WNT8A: variants seen among roughly 807,000 people sequenced by gnomAD.
The protein encoded by WNT8A is protein Wnt-8a.
Under a neutral mutation model 20.5 loss-of-function variants are expected in WNT8A, and 14 were observed. That is an observed-to-expected ratio of 0.68 (90% CI 0.45 to 1.07). The LOEUF (loss-of-function observed/expected upper bound fraction) is 1.07. Ranked by LOEUF, WNT8A falls within the 50% of genes least tolerant of loss-of-function variation. The probability of loss-of-function intolerance (pLI) is 0.00; values close to 1 mark genes in which losing one functional copy is unlikely to be tolerated. For missense variants in WNT8A, 397 were observed against 462.9 expected (o/e 0.86, Z 1.31); for synonymous variants, 167 against 169.2 (o/e 0.99, Z 0.10).
upstream of WNT8A, among the ~76,000 whole-genome samples, chr5:138,082,812 G>T (rs1750541446): frequency 6.6e-6 from 1 of 151,840 alleles, no homozygotes; most frequent in African/African-American, 2.4e-5. Context: ...AGGAAGTGGA[G>T]GTTGCAGTGA....
rs1326667655 is a variant in WNT8A at position 138,085,813 on chromosome 5, C to G, written c.295+1177C>G. ...AGGATATAGTGAGCTATGATCACAC[C>G]ACTACACTCCTGCCTGGGTGACAGA... On this transcript the variant is annotated intron_variant, in intron 2 of 4. Transcript: ENST00000506684. Among the ~76,000 whole-genome samples, 12 of 138,498 alleles carry G rather than the reference C, an allele frequency of 8.7e-5. No individual in the cohort carries two copies. In the South Asian group the frequency reaches 2.5e-3, roughly 29 times the overall value. 90.9% of individuals were successfully genotyped at this position (138,498 alleles called of 152,430 possible).
chr5:138,088,927 G>C lies in WNT8A; in HGVS notation c.422G>C (p.Gly141Ala), dbSNP rs1177093331. The change falls in exon 4 of 5, where the codon GGA (glycine) becomes GCA (alanine). Residue 141 changes from glycine to alanine, a missense_variant and splice_region_variant. By Grantham distance (60) the Gly-to-Ala change is moderately conservative. Transcript: ENST00000506684. The part of the protein sequence containing the change: ...GCDGSNNGKT[G>A]GHGWIWGGCS... ...GAACTTATTCTGTCCTTGTATATAG[G>C]AGGCCATGGCTGGATCTGGGGAGGC... The C allele has an allele frequency of 6.2e-7, 1 of 1,613,780 alleles. No individual in the cohort carries two copies. Among genetic ancestry groups the C allele is most frequent in the Non-Finnish European group, 8.5e-7 (1 of 1,179,908 alleles).
At chr5:138,090,498 G>C in intron 4 of WNT8A, 30 bp from the exon 5 acceptor site, 2 of 1,600,298 alleles carry the variant, frequency 1.2e-6, no homozygotes, top group Non-Finnish European at 1.7e-6. Flanking sequence ...CCTACTCAGA[G>C]CCATTCTCTT....
chr5:138,084,759 GA>G lies in WNT8A; in HGVS notation c.295+124del, dbSNP rs1750606911. 1.0e-5 allele frequency: 13 copies of G among 1,281,874 alleles called. No individual in the cohort carries two copies. In the East Asian group the frequency reaches 3.4e-4, roughly 34 times the overall value. The allele number at this position is 1,281,874 out of a possible 1,614,324, so 79.4% of individuals were successfully genotyped here. On this transcript the variant is annotated intron_variant, in intron 2 of 4. Transcript: ENST00000506684. ...ATAAAAATGCTGCCAGTGACCTGCT[GA>G]CCTGCCATTTCCTTGCTGTGTGGCC...
Position 138,090,553 on chromosome 5 carries a change from C to T in WNT8A, c.590C>T (p.Thr197Ile). The T allele has an allele frequency of 6.2e-7, 1 of 1,614,076 alleles. No homozygotes were observed. Among genetic ancestry groups the T allele is most frequent in the Non-Finnish European group, 8.5e-7 (1 of 1,179,974 alleles). The change falls in exon 5 of 5, where the codon ACA (threonine) becomes ATA (isoleucine). Residue 197 changes from threonine (T) to isoleucine (I), a missense_variant. Transcript: ENST00000506684. ...GCAGTGAGAGCCACCATGAAAAGGA[C>T]ATGCAAATGTCATGGCATCTCTGGG... ...RLAVRATMKR[T>I]CKCHGISGSC...
Position 138,091,217 on chromosome 5 carries a change from A to G in WNT8A, c.*144A>G. On this transcript the variant is annotated 3_prime_UTR_variant, in exon 5 of 5. Transcript: ENST00000506684. Reference sequence around the variant, plus strand: ...ATGATATCTGCTATCAGTGGGGAAAATGGAGGCCCAAGATTCTACAGCATA... The same window carrying G: ...ATGATATCTGCTATCAGTGGGGAAAGTGGAGGCCCAAGATTCTACAGCATA... 6.5e-7 allele frequency: 1 copy of G among 1,544,042 alleles called. No individual in the cohort carries two copies. Among genetic ancestry groups the G allele is most frequent in the Non-Finnish European group, 8.6e-7 (1 of 1,157,192 alleles).
At position 138,084,059 on chromosome 5, in the gene WNT8A, C is replaced by G; in HGVS notation, c.-69C>G. The G allele has an allele frequency of 6.2e-7, 1 of 1,603,514 alleles. No homozygotes were observed. Among genetic ancestry groups the G allele is most frequent in the Non-Finnish European group, 8.5e-7 (1 of 1,172,708 alleles). ...TCACTTCTCTGGACTTGGCCCTGAGCTGGACCTGGTCCACTGGGGTAGGCA... is the reference window on the plus strand; with the variant it reads ...TCACTTCTCTGGACTTGGCCCTGAGGTGGACCTGGTCCACTGGGGTAGGCA... On this transcript the variant is annotated 5_prime_UTR_variant, in exon 1 of 5. Coordinates refer to ENST00000506684, the MANE Select transcript of WNT8A (RefSeq NM_001300939.2).
the WNT8A span, among the ~76,000 whole-genome samples, chr5:138,078,005 G>C: frequency 6.6e-6 from 1 of 152,106 alleles, no homozygotes; most frequent in Non-Finnish European, 1.5e-5. Flanking sequence ...CACACAGGAG[G>C]ACCTCATTTC....
Position 138,084,610 on chromosome 5 carries a change from T to C in WNT8A, c.269T>C (p.Leu90Pro). 1 of 1,612,122 alleles carries C rather than the reference T, an allele frequency of 6.2e-7. No homozygotes were observed. The highest frequency in any genetic ancestry group is 1.7e-5 in the Admixed American group (1 of 59,734). Residue 90 changes from leucine to proline, a missense_variant, in exon 2 of 5, where the codon CTC (leucine) becomes CCC (proline). By Grantham distance (98) the Leu-to-Pro change is moderately conservative. Transcript: ENST00000506684. ...RWNCPENALQ[L>P]STHNRLRSAT... Reference sequence around the variant, plus strand: ...AACTGCCCTGAAAATGCTCTTCAGCTCTCCACCCACAACAGGCTGAGAAGT... The same window carrying C: ...AACTGCCCTGAAAATGCTCTTCAGCCCTCCACCCACAACAGGCTGAGAAGT...
chr5:138,084,501 T>G lies in WNT8A; in HGVS notation c.160T>G (p.Tyr54Asp). Residue 54 changes from tyrosine (Y) to aspartate (D), a missense_variant, in exon 2 of 5, where the codon TAT becomes GAT. By Grantham distance (160) the Tyr-to-Asp change is radical. Coordinates refer to ENST00000506684, the MANE Select transcript of WNT8A (RefSeq NM_001300939.2). ...ACAGCCCTTTTCCCTTTGCCAGGCC[T>G]ATCTGACCTACACGACTAGTGTGGC... ...NNFLITGPKAYLTYTTSVALG... is the reference protein window; with the variant it reads ...NNFLITGPKADLTYTTSVALG... 6.2e-7 allele frequency: 1 copy of G among 1,604,392 alleles called. No individual in the cohort carries two copies. Among genetic ancestry groups the G allele is most frequent in the Non-Finnish European group, 8.5e-7 (1 of 1,174,824 alleles).
In WNT8A at chr5:138,091,273, C is replaced by T. The variant is rs1750847214; in HGVS notation, c.*200C>T. On this transcript the variant is annotated 3_prime_UTR_variant, in exon 5 of 5. Coordinates refer to ENST00000506684, the MANE Select transcript of WNT8A (RefSeq NM_001300939.2). ...GGCGGGGCTGAAATTGGAACCTGGG[C>T]CTCCTGACTTTGGCAGACCCCCATT... 2.5e-6 allele frequency: 4 copies of T among 1,569,592 alleles called. No individual in the cohort carries two copies. In the South Asian group the frequency reaches 4.5e-5, roughly 18 times the overall value.
chr5:138,078,733 G>A, the WNT8A span, among the ~76,000 whole-genome samples: 1 of 152,122 alleles, frequency 6.6e-6, no homozygotes. Context: ...CTCTCTATGG[G>A]ACTCAGTTGC....
At position 138,091,283 on chromosome 5, in the gene WNT8A, T is replaced by G; in HGVS notation, c.*210T>G. The G allele has an allele frequency of 2.6e-6, 4 of 1,564,628 alleles. No individual in the cohort carries two copies. Among genetic ancestry groups the G allele is most frequent in the Non-Finnish European group, 3.4e-6 (4 of 1,160,114 alleles). On this transcript the variant is annotated 3_prime_UTR_variant, in exon 5 of 5. Coordinates refer to ENST00000506684, the MANE Select transcript of WNT8A (RefSeq NM_001300939.2). The stretch of plus-strand genomic sequence containing the variant: ...AAATTGGAACCTGGGCCTCCTGACT[T>G]TGGCAGACCCCCATTTCATCTTTCC...
upstream of WNT8A, among the ~76,000 whole-genome samples, chr5:138,081,595 G>A (rs1750513824): frequency 6.6e-6 from 1 of 151,970 alleles, no homozygotes; most frequent in Non-Finnish European, 1.5e-5. Context: ...AGAAAAGGCC[G>A]CTGAGGCTAA....
upstream of WNT8A, among the ~76,000 whole-genome samples, chr5:138,080,444 GTTTTTTTTTT>G (rs371833243): frequency 0.34 from 20,147 of 58,856 alleles, 2,192 homozygotes; most frequent in Admixed American, 0.41. Context: ...TGTAAATCTT[GTTTTTTTTTT>G]TTTTTTTTTT....
chr5:138,079,539 A>C (rs532668986), upstream of WNT8A, among the ~76,000 whole-genome samples: 5 of 152,156 alleles, frequency 3.3e-5, no homozygotes, highest in South Asian at 1.0e-3. Context: ...GCAGTTTGCA[A>C]TTCACTATGC....
rs546352009 is a variant in WNT8A at position 138,090,854 on chromosome 5, C to T, written c.891C>T (p.Ser297=). Residue 297 remains serine, a synonymous_variant, in exon 5 of 5, where the codon AGC becomes AGT. Transcript: ENST00000506684. ...AGGGTCGTGAGTGCCTACAGAACAG[C>T]CACAACACATCCAGGTGGGAGCGAC... ...GTEGRECLQN[S]HNTSRWERRS... is the part of the protein sequence containing the mutation. 6.2e-7 allele frequency: 1 copy of T among 1,614,198 alleles called. No individual in the cohort carries two copies. Among genetic ancestry groups the T allele is most frequent in the Admixed American group, 1.7e-5 (1 of 60,028 alleles).
the WNT8A span, among the ~76,000 whole-genome samples, chr5:138,077,626 CCAGAGATGGATAGGA>C: frequency 6.6e-6 from 1 of 152,112 alleles, no homozygotes; most frequent in Non-Finnish European, 1.5e-5. Flanking sequence ...TGTGTCCTAT[CCAGAGATGGATAGGA>C]CAGAGATGGA....
chr5:138,083,863 G>A (rs1750570828), upstream of WNT8A: 2 of 467,884 alleles, frequency 4.3e-6, no homozygotes, highest in Non-Finnish European at 7.5e-6. Flanking sequence ...TGGAGGGGCT[G>A]GGCAGGGCGG....
Sources: gnomAD v4.1 joint callset for allele counts (sites outside exome capture counted in the v4.1 genomes callset) on GRCh38, gnomAD v4.1.1 for gene constraint, MANE v1.5 for transcripts, NCBI Gene and HGNC (gene_info 2026-07-23, HGNC 2026-07-21) for gene names.